ATP7A: variants seen among roughly 807,000 people sequenced by gnomAD.
ATP7A encodes ATPase copper transporting alpha.
ATP7A carries 7 observed loss-of-function variants against 83.5 expected under a neutral mutation model. The ratio of observed to expected loss-of-function variants is 0.08; its 90% CI spans 0.05 to 0.16. The LOEUF is 0.16. Among genes scored for constraint, ATP7A ranks in the 10% least tolerant of loss-of-function variants. The probability of loss-of-function intolerance (pLI) is 1.00; values close to 1 mark genes in which losing one functional copy is unlikely to be tolerated. For missense variants in ATP7A, 940 were observed against 1,120.8 expected, an observed-to-expected ratio of 0.84 and a Z score of 2.30; for synonymous variants, 354 against 395.2, an observed-to-expected ratio of 0.90 and a Z score of 1.24.
intron 14 of ATP7A, among the ~76,000 whole-genome samples, chrX:78,026,727 A>C (rs1268422685): frequency 1.8e-5 from 2 of 112,080 alleles, no homozygotes; most frequent in African/African-American, 6.5e-5. Context: ...ACTAGATCAG[A>C]TCAAGCGTCT....
chrX:78,012,021 G>A (rs1409383909), intron 9 of ATP7A, among the ~76,000 whole-genome samples: 1 of 108,711 alleles, frequency 9.2e-6, no homozygotes, highest in Non-Finnish European at 1.9e-5. Flanking sequence ...ACAGCTCACT[G>A]TGGTCTTGAA....
chrX:77,973,938 T>C (rs1420686369), intron 2 of ATP7A, among the ~76,000 whole-genome samples: 1 of 111,663 alleles, frequency 9.0e-6, no homozygotes, highest in Non-Finnish European at 1.9e-5. Context: ...TTTTGTTAGA[T>C]TTATATTTAA....
chrX:77,988,438 C>T lies in ATP7A; in HGVS notation c.317C>T (p.Thr106Ile), dbSNP rs782647620. Residue 106 changes from threonine to isoleucine, a missense_variant, in exon 3 of 23, where the codon ACA (threonine) becomes ATA (isoleucine). Coordinates refer to ENST00000341514, the MANE Select transcript of ATP7A (RefSeq NM_000052.7). Reference sequence around the variant, plus strand: ...TTGCCATGGGACCATATCCAAAGCACATTGCTGAAGACCAAGGGTGTGACA... The same window carrying T: ...TTGCCATGGGACCATATCCAAAGCATATTGCTGAAGACCAAGGGTGTGACA... Reference protein sequence around the residue: ...LTLPWDHIQSTLLKTKGVTDI... With the variant: ...LTLPWDHIQSILLKTKGVTDI... The T allele has an allele frequency of 7.1e-5, 86 of 1,209,690 alleles. No individual in the cohort carries two copies. The highest frequency in any genetic ancestry group is 9.3e-5 in the Non-Finnish European group (83 of 895,104).
At chrX:77,972,354 C>G (rs781993521) in intron 2 of ATP7A, among the ~76,000 whole-genome samples, 1 of 109,940 alleles carries the variant, frequency 9.1e-6, no homozygotes, top group Non-Finnish European at 1.9e-5. Context: ...ACCATGCTAG[C>G]TAATTTTTTT....
At position 78,049,165 on chromosome X, in the gene ATP7A, G is replaced by A. The variant is rs143400015; in HGVS notation, c.*2595G>A. The A allele has an allele frequency of 4.5e-5, 5 of 111,801 alleles. No homozygotes were observed. The highest frequency in any genetic ancestry group is 1.6e-4 in the African/African-American group (5 of 30,880). 9.2% of individuals were successfully genotyped at this position (111,801 alleles called of 1,213,427 possible). On this transcript the variant is annotated 3_prime_UTR_variant, in exon 23 of 23. Coordinates refer to ENST00000341514, the MANE Select transcript of ATP7A (RefSeq NM_000052.7). ...TTTACAGGAGAAAGAGGTGATTATGGAGGGAATCAAAAATACTGCTTTCAG... is the reference window on the plus strand; with the variant it reads ...TTTACAGGAGAAAGAGGTGATTATGAAGGGAATCAAAAATACTGCTTTCAG...
rs782643561 is a variant in ATP7A, at chrX:78,037,980, G to GTTTTTTTTTTTTTTTTTT, written c.3512-847_3512-830dup. Reference sequence around the variant, plus strand: ...AGAGAGGTGGGTGAGATCAAGAAAGGTTTTTTTTTTTTTTTTTTTTTTTTT... The same window carrying GTTTTTTTTTTTTTTTTTT: ...AGAGAGGTGGGTGAGATCAAGAAAGGTTTTTTTTTTTTTTTTTTTTTTTTTTTTTTTTTTTTTTTTTTT... On this transcript the variant is annotated intron_variant, in intron 17 of 22. Coordinates refer to ENST00000341514, the MANE Select transcript of ATP7A (RefSeq NM_000052.7). Among the ~76,000 whole-genome samples, 10 of 51,200 alleles carry GTTTTTTTTTTTTTTTTTT rather than the reference G, an allele frequency of 2.0e-4. 1 individual carries two copies. Among genetic ancestry groups the GTTTTTTTTTTTTTTTTTT allele is most frequent in the Non-Finnish European group, 2.6e-4 (8 of 31,156 alleles). 44.5% of individuals were successfully genotyped at this position (51,200 alleles called of 115,157 possible).
In ATP7A at chrX:78,042,283, A is replaced by G. The variant is rs188655939; in HGVS notation, c.3802-302A>G. On this transcript the variant is annotated intron_variant, in intron 19 of 22. Transcript: ENST00000341514. The stretch of plus-strand genomic sequence containing the variant: ...AAGGCAATAATAAACATCTTTGGAC[A>G]TGTATCTTTCTGTACATGTGCAAGC... Among the ~76,000 whole-genome samples the G allele has an allele frequency of 5.9e-3, 657 of 111,417 alleles. 3 individuals carry two copies. Among genetic ancestry groups the G allele is most frequent in the African/African-American group, 0.02 (616 of 30,622 alleles).
At chrX:78,031,678 T>C in intron 16 of ATP7A, 96 bp downstream of exon 16, 1 of 952,636 alleles carries the variant, frequency 1.0e-6, no homozygotes, top group Non-Finnish European at 1.5e-6. Flanking sequence ...TTTGCATATA[T>C]AGTTGGTATG....
chrX:78,015,976 G>T, intron 12 of ATP7A, 95 bp downstream of exon 12: 1 of 972,312 alleles, frequency 1.0e-6, no homozygotes, highest in Middle Eastern at 3.2e-4. Context: ...ACTAAATTAT[G>T]AACAGAGAGA....
chrX:77,969,255 G>A (rs1366421171), intron 1 of ATP7A: 7 of 1,210,205 alleles, frequency 5.8e-6, no homozygotes, highest in Non-Finnish European at 7.8e-6. Flanking sequence ...AAGGATGGTC[G>A]GGCTCCATCG....
At chrX:77,916,607 A>G (rs185451980) in intron 1 of ATP7A, among the ~76,000 whole-genome samples, 35 of 111,142 alleles carry the variant, frequency 3.1e-4, no homozygotes, top group Non-Finnish European at 3.6e-4. Flanking sequence ...CCTAATTGTC[A>G]AATGCTGAAC....
intron 5 of ATP7A, among the ~76,000 whole-genome samples, chrX:77,999,616 G>C (rs1243224794): frequency 1.8e-5 from 2 of 111,357 alleles, no homozygotes; most frequent in Non-Finnish European, 3.8e-5. Flanking sequence ...AAAGATATGT[G>C]ATGATGGCCA....
intron 6 of ATP7A, among the ~76,000 whole-genome samples, chrX:78,007,471 G>A (rs1166665319): frequency 9.0e-6 from 1 of 111,331 alleles, no homozygotes; most frequent in African/African-American, 3.3e-5. Flanking sequence ...GACTACAGGC[G>A]TCTGCCACCA....
Position 78,020,412 on chromosome X carries a change from C to T in ATP7A, c.2781+14C>T. The T allele has an allele frequency of 8.3e-7, 1 of 1,204,085 alleles. No homozygotes were observed. Among genetic ancestry groups the T allele is most frequent in the East Asian group, 3.0e-5 (1 of 33,817 alleles). On this transcript the variant is annotated intron_variant, in intron 13 of 22. Transcript: ENST00000341514. ...CAAACATCAAAGGTAACTTAACTCC[C>T]TAGGAGAAACACAAACTATTTTCTT...
At chrX:78,004,427 T>C (rs782273064) in intron 6 of ATP7A, among the ~76,000 whole-genome samples, 116 of 112,567 alleles carry the variant, frequency 1.0e-3, no homozygotes, top group African/African-American at 3.6e-3. Context: ...AAAAATCTTG[T>C]ACCAAAATAA....
intron 1 of ATP7A, among the ~76,000 whole-genome samples, chrX:77,955,403 A>G (rs1557227237): frequency 8.9e-6 from 1 of 111,768 alleles, no homozygotes; most frequent in Non-Finnish European, 1.9e-5. Context: ...TCTTAGAACA[A>G]TGTTTCTTAG....
intron 2 of ATP7A, among the ~76,000 whole-genome samples, chrX:77,983,573 G>A (rs1395157272): frequency 8.9e-6 from 1 of 112,241 alleles, no homozygotes; most frequent in Non-Finnish European, 1.9e-5. Context: ...CACAGAGTAC[G>A]TTTGGTATAT....
At chrX:78,023,691 A>G (rs1267989350) in intron 14 of ATP7A, among the ~76,000 whole-genome samples, 1 of 111,324 alleles carries the variant, frequency 9.0e-6, no homozygotes, top group Non-Finnish European at 1.9e-5. Context: ...TAGAGTCTAG[A>G]TATTAGTCCT....
chrX:77,916,354 C>CAA (rs782551060), intron 1 of ATP7A, among the ~76,000 whole-genome samples: 12 of 32,490 alleles, frequency 3.7e-4, no homozygotes, highest in African/African-American at 1.0e-3. Context: ...GACCCTGTCT[C>CAA]AAAAAAAAAA....
Sources: gnomAD v4.1 joint callset for allele counts (sites outside exome capture counted in the v4.1 genomes callset) on GRCh38, gnomAD v4.1.1 for gene constraint, MANE v1.5 for transcripts, NCBI Gene and HGNC (gene_info 2026-07-23, HGNC 2026-07-21) for gene names.